Variants in NEGR1 observed in about 807,000 individuals in gnomAD.
The protein encoded by NEGR1 is neuronal growth regulator 1, also known as IgLON family member 4.
NEGR1 carries 10 observed loss-of-function variants against 40.9 expected under a neutral mutation model. That is an observed-to-expected ratio of 0.24 (90% CI 0.15 to 0.42). NEGR1 has a LOEUF of 0.42. Ranked by LOEUF, NEGR1 falls within the 10% of genes least tolerant of loss-of-function variation. The pLI is 1.00. For missense variants in NEGR1, 352 were observed against 438.9 expected (o/e 0.80, Z 1.77); for synonymous variants, 185 against 166.8 (o/e 1.11, Z -0.84).
At chr1:71,803,656 A>G (rs1349501858) in intron 2 of NEGR1, among the ~76,000 whole-genome samples, 2 of 152,132 alleles carry the variant, frequency 1.3e-5, no homozygotes, top group Non-Finnish European at 2.9e-5. Context: ...TTATTTGTCC[A>G]AATATAACCT....
chr1:71,578,370 T>A (rs11811969), intron 6 of NEGR1, among the ~76,000 whole-genome samples: 6 of 152,168 alleles, frequency 3.9e-5, no homozygotes, highest in African/African-American at 1.4e-4. Flanking sequence ...TGACAGTATA[T>A]ACTATGGCTA....
At chr1:71,660,431 G>A (rs927469580) in intron 4 of NEGR1, among the ~76,000 whole-genome samples, 13 of 151,850 alleles carry the variant, frequency 8.6e-5, no homozygotes, top group African/African-American at 2.9e-4. Context: ...CCTGTGACAC[G>A]TGTTTACCTA....
At chr1:71,748,562 T>C (rs373190953) in intron 3 of NEGR1, among the ~76,000 whole-genome samples, 9 of 152,262 alleles carry the variant, frequency 5.9e-5, no homozygotes, top group African/African-American at 1.9e-4. Flanking sequence ...GAAGAAAACA[T>C]ATAAAAAGTT....
At chr1:71,523,260 A>C (rs2101433267) in intron 6 of NEGR1, among the ~76,000 whole-genome samples, 1 of 151,938 alleles carries the variant, frequency 6.6e-6, no homozygotes, top group African/African-American at 2.4e-5. Flanking sequence ...GGTTGTTGTG[A>C]GGATGTAATT....
intron 6 of NEGR1, among the ~76,000 whole-genome samples, chr1:71,473,625 T>C (rs116544497): frequency 0.011 from 1,735 of 152,154 alleles, 30 homozygotes; most frequent in African/African-American, 0.04. Context: ...GATAGGGAGT[T>C]TTTATTGAGA....
intron 4 of NEGR1, among the ~76,000 whole-genome samples, chr1:71,685,364 C>T (rs1442841125): frequency 6.9e-6 from 1 of 144,878 alleles, no homozygotes; most frequent in African/African-American, 2.5e-5. Flanking sequence ...CTCTTTTTGC[C>T]CAGGCTGGAG....
chr1:72,017,171 C>T (rs1287804009), intron 1 of NEGR1, among the ~76,000 whole-genome samples: 1 of 149,806 alleles, frequency 6.7e-6, no homozygotes, highest in Non-Finnish European at 1.5e-5. Flanking sequence ...CCAAAGGGAG[C>T]TTAAAGGAAT....
At chr1:71,998,179 C>T (rs868855975) in intron 1 of NEGR1, among the ~76,000 whole-genome samples, 2 of 151,692 alleles carry the variant, frequency 1.3e-5, no homozygotes, top group African/African-American at 2.4e-5. Flanking sequence ...TTCTGTGAAC[C>T]CAACTGTTAA....
At position 71,584,218 on chromosome 1, in the gene NEGR1, G is replaced by A. The variant is rs546159144; in HGVS notation, c.940+8599C>T. On this transcript the variant is annotated intron_variant, in intron 6 of 6. Coordinates refer to ENST00000357731, the MANE Select transcript of NEGR1 (RefSeq NM_173808.3). ...TCCACACTGAATAGACACATTCAAT[G>A]AGGACATGCCATTTTCAGTCTTTTC... 7.9e-5 allele frequency among the ~76,000 whole-genome samples: 12 copies of A among 152,284 alleles called. No individual in the cohort carries two copies. In the South Asian group the frequency reaches 2.3e-3, roughly 29 times the overall value.
chr1:71,900,008 T>C (rs1220391989), intron 2 of NEGR1, among the ~76,000 whole-genome samples: 1 of 152,196 alleles, frequency 6.6e-6, no homozygotes, highest in Non-Finnish European at 1.5e-5. Context: ...ACATTTGAAG[T>C]ATATACAATC....
chr1:71,743,541 T>C (rs1027286573), intron 3 of NEGR1, among the ~76,000 whole-genome samples: 2 of 152,188 alleles, frequency 1.3e-5, no homozygotes, highest in Non-Finnish European at 2.9e-5. Context: ...TGTCTTTCAG[T>C]ATGGTATTTT....
chr1:71,563,633 T>C (rs1325867399), intron 6 of NEGR1, among the ~76,000 whole-genome samples: 3 of 151,970 alleles, frequency 2.0e-5, no homozygotes, highest in Non-Finnish European at 2.9e-5. Flanking sequence ...CCTGCAGATA[T>C]GTAAGAGAAA....
chr1:71,622,456 T>C (rs948781733), intron 4 of NEGR1, among the ~76,000 whole-genome samples: 2 of 151,940 alleles, frequency 1.3e-5, no homozygotes, highest in Non-Finnish European at 2.9e-5. Context: ...TAAATAAAAA[T>C]TATTTTTAGT....
intron 6 of NEGR1, among the ~76,000 whole-genome samples, chr1:71,423,806 C>T (rs562029038): frequency 3.1e-4 from 47 of 150,472 alleles, no homozygotes; most frequent in African/African-American, 1.1e-3. Flanking sequence ...ATCATTATGA[C>T]CAACTCCTCC....
chr1:72,282,475 A>G lies in NEGR1; in HGVS notation c.20T>C (p.Val7Ala). The G allele has an allele frequency of 1.2e-6, 2 of 1,612,828 alleles. No homozygotes were observed. The highest frequency in any genetic ancestry group is 1.7e-6 in the Non-Finnish European group (2 of 1,179,954). MDMMLLVQGACCSNQWL... is the reference protein window; with the variant it reads MDMMLLAQGACCSNQWL... Reference sequence around the variant, plus strand: ...CTGGTTCGAGCAACAAGCACCCTGCACCAACAGCATCATGTCCATCCCTGC... The same window carrying G: ...CTGGTTCGAGCAACAAGCACCCTGCGCCAACAGCATCATGTCCATCCCTGC... Residue 7 changes from valine (V) to alanine (A), a missense_variant, in exon 1 of 7, where the codon GTG becomes GCG. Physicochemically the swap from Val to Ala is moderately conservative, Grantham distance 64 (BLOSUM62 0). This residue lies in a region of NEGR1 where 81 missense variants were observed against 85.8 expected (regional missense o/e 0.94). Transcript: ENST00000357731.
intron 1 of NEGR1, among the ~76,000 whole-genome samples, chr1:72,035,019 T>TACAGGCATTATGGCCACGCCTGGTAGA (rs1646890165): frequency 6.6e-6 from 1 of 152,060 alleles, no homozygotes; most frequent in African/African-American, 2.4e-5. Flanking sequence ...AAACCACATG[T>TACAGGCATTATGGCCACGCCTGGTAGA]ACAGGCATTA....
At chr1:72,174,620 C>T (rs996808673) in intron 1 of NEGR1, among the ~76,000 whole-genome samples, 1 of 152,078 alleles carries the variant, frequency 6.6e-6, no homozygotes, top group African/African-American at 2.4e-5. Flanking sequence ...CACTGATATT[C>T]ATCAAGTCAC....
intron 3 of NEGR1, among the ~76,000 whole-genome samples, chr1:71,756,749 A>G (rs1655756270): frequency 6.6e-6 from 1 of 152,054 alleles, no homozygotes; most frequent in Admixed American, 6.6e-5. Flanking sequence ...CAATGCTATG[A>G]TGATGCATGG....
At chr1:72,255,019 A>G (rs540518584) in intron 1 of NEGR1, among the ~76,000 whole-genome samples, 1 of 152,264 alleles carries the variant, frequency 6.6e-6, no homozygotes, top group Non-Finnish European at 1.5e-5. Context: ...TCCACCCATT[A>G]TCCACATTAG....
Sources: gnomAD v4.1 joint callset for allele counts (sites outside exome capture counted in the v4.1 genomes callset) on GRCh38, gnomAD v4.1.1 for gene constraint, gnomAD v4.1.1 regional missense constraint, MANE v1.5 for transcripts, NCBI Gene and HGNC (gene_info 2026-07-23, HGNC 2026-07-21) for gene names.